TIAM1: variants seen among roughly 807,000 people sequenced by gnomAD.
TIAM1 encodes the protein TIAM Rac1 associated GEF 1.
A neutral mutation model predicts 163.5 loss-of-function variants in TIAM1; 65 were observed. The observed-to-expected ratio is 0.40, with a 90% CI of 0.33 to 0.49. The LOEUF (loss-of-function observed/expected upper bound fraction) is 0.49. Among genes scored for constraint, TIAM1 ranks in the 20% least tolerant of loss-of-function variants. The pLI is 0.77. For missense variants in TIAM1, 1,789 were observed against 2,044.7 expected, an observed-to-expected ratio of 0.87 and a Z score of 2.41; for synonymous variants, 833 against 810.1, an observed-to-expected ratio of 1.03 and a Z score of -0.48.
At chr21:31,556,215 G>A (rs2048873503) in intron 1 of TIAM1, among the ~76,000 whole-genome samples, 1 of 152,178 alleles carries the variant, frequency 6.6e-6, no homozygotes, top group Non-Finnish European at 1.5e-5. Context: ...TCATTTCTGA[G>A]AGTTCAACTT....
At chr21:31,353,833 A>ATTTTTT (rs2076272701) in intron 2 of TIAM1, among the ~76,000 whole-genome samples, 4 of 38,054 alleles carry the variant, frequency 1.1e-4, no homozygotes, top group South Asian at 1.1e-3. Context: ...TTATTTATTT[A>ATTTTTT]TCTTTTTTTT....
intron 8 of TIAM1, among the ~76,000 whole-genome samples, chr21:31,221,305 T>G (rs138912320): frequency 7.9e-5 from 12 of 152,266 alleles, no homozygotes; most frequent in Admixed American, 5.9e-4. Context: ...CAGGAACATA[T>G]TGAAACACCC....
At chr21:31,169,414 T>C (rs1416942778) in intron 15 of TIAM1, among the ~76,000 whole-genome samples, 6 of 152,134 alleles carry the variant, frequency 3.9e-5, no homozygotes, top group Non-Finnish European at 7.4e-5. Context: ...GAACACTCAA[T>C]AGATGAGATG....
intron 2 of TIAM1, among the ~76,000 whole-genome samples, chr21:31,281,054 A>C (rs1354998789): frequency 1.4e-5 from 2 of 142,382 alleles, no homozygotes; most frequent in Non-Finnish European, 3.0e-5. Context: ...GTTTGAGGTT[A>C]TAGCCTGGGC....
chr21:31,315,913 G>A (rs980102736), intron 2 of TIAM1, among the ~76,000 whole-genome samples: 2 of 152,066 alleles, frequency 1.3e-5, no homozygotes, highest in Admixed American at 1.3e-4. Flanking sequence ...GGAGGCGGAC[G>A]TTGCAGTGAG....
chr21:31,325,214 G>A (rs2075445751), intron 2 of TIAM1, among the ~76,000 whole-genome samples: 1 of 151,980 alleles, frequency 6.6e-6, no homozygotes, highest in South Asian at 2.1e-4. Flanking sequence ...AGCCTAGGAG[G>A]TGGAGGTGCG....
chr21:31,438,655 C>G (rs1264605148), intron 2 of TIAM1, among the ~76,000 whole-genome samples: 2 of 152,178 alleles, frequency 1.3e-5, no homozygotes, highest in Admixed American at 1.3e-4. Context: ...TCCCCCAAGT[C>G]CTCTTTTGTA....
chr21:31,387,456 G>A (rs941904652), intron 2 of TIAM1, among the ~76,000 whole-genome samples: 17 of 151,592 alleles, frequency 1.1e-4, no homozygotes, highest in Non-Finnish European at 2.1e-4. Context: ...GAAATGATCT[G>A]CCCACCTTGG....
At chr21:31,194,731 C>T (rs1262894978) in intron 13 of TIAM1, among the ~76,000 whole-genome samples, 2 of 152,166 alleles carry the variant, frequency 1.3e-5, no homozygotes, top group Non-Finnish European at 2.9e-5. Context: ...AGTAGGTCCC[C>T]TCTGCTTTAA....
At chr21:31,304,276 C>T (rs559616042) in intron 2 of TIAM1, among the ~76,000 whole-genome samples, 1 of 151,984 alleles carries the variant, frequency 6.6e-6, no homozygotes, top group Non-Finnish European at 1.5e-5. Flanking sequence ...AGCAACCATG[C>T]AAATAATGTG....
chr21:31,466,681 C>A (rs1046016361), intron 1 of TIAM1, among the ~76,000 whole-genome samples: 1 of 152,184 alleles, frequency 6.6e-6, no homozygotes, highest in African/African-American at 2.4e-5. Flanking sequence ...TGGCCCGAAG[C>A]TCAGTGGGGT....
chr21:31,165,921 A>G (rs903021741), intron 15 of TIAM1, among the ~76,000 whole-genome samples: 1 of 152,190 alleles, frequency 6.6e-6, no homozygotes, highest in Non-Finnish European at 1.5e-5. Flanking sequence ...ATTCTGTGCA[A>G]AAGTGCAAGC....
chr21:31,178,496 C>T (rs1343523804), intron 15 of TIAM1, among the ~76,000 whole-genome samples: 2 of 151,788 alleles, frequency 1.3e-5, no homozygotes, highest in Admixed American at 1.3e-4. Flanking sequence ...TTAGTAGAGA[C>T]GGGGTTTCAC....
chr21:31,509,110 G>A (rs1306861691), intron 1 of TIAM1, among the ~76,000 whole-genome samples: 1 of 152,140 alleles, frequency 6.6e-6, no homozygotes. Flanking sequence ...GAATACATTT[G>A]GAGTATCTGC....
intron 3 of TIAM1, 108 bp downstream of exon 3, chr21:31,276,624 C>G (rs747362136): frequency 4.6e-5 from 7 of 152,082 alleles, no homozygotes; most frequent in African/African-American, 7.2e-5. Context: ...CTTTTTCCCA[C>G]GAGCTACACA....
intron 23 of TIAM1, among the ~76,000 whole-genome samples, chr21:31,134,506 C>T (rs1199377479): frequency 6.6e-6 from 1 of 151,960 alleles, no homozygotes; most frequent in Admixed American, 6.6e-5. Context: ...TCTGCACTTA[C>T]ATTTGTTTTG....
At chr21:31,281,007 T>G (rs1264147604) in intron 2 of TIAM1, among the ~76,000 whole-genome samples, 1 of 137,878 alleles carries the variant, frequency 7.3e-6, no homozygotes, top group Non-Finnish European at 1.5e-5. Flanking sequence ...CCCAGCTACT[T>G]GGGAGGCTGA....
chr21:31,421,466 C>T (rs2043568851), intron 2 of TIAM1, among the ~76,000 whole-genome samples: 1 of 152,182 alleles, frequency 6.6e-6, no homozygotes, highest in Non-Finnish European at 1.5e-5. Flanking sequence ...CACCTGAGCT[C>T]CGCCTCCTGT....
chr21:31,344,448 T>C (rs1054069350), upstream of TIAM1, among the ~76,000 whole-genome samples: 2 of 152,144 alleles, frequency 1.3e-5, no homozygotes, highest in African/African-American at 4.8e-5. Context: ...TTGGGGGCAA[T>C]GTATTTCGAA....
Sources: allele counts gnomAD v4.1 joint callset (sites outside exome capture counted in the v4.1 genomes callset), GRCh38; gene constraint gnomAD v4.1.1; transcripts MANE v1.5; gene names NCBI Gene and HGNC (gene_info 2026-07-23, HGNC 2026-07-21).